CLEC17A: variants seen among roughly 807,000 people sequenced by gnomAD.
CLEC17A encodes the protein C-type lectin domain containing 17A.
In CLEC17A, 37 loss-of-function variants were observed where a neutral mutation model predicts 61.3. That is an observed-to-expected ratio of 0.60 (90% CI 0.46 to 0.79). The LOEUF (loss-of-function observed/expected upper bound fraction) is 0.79, where lower values mean the gene tolerates loss of function less well. CLEC17A is among the 30% of genes least tolerant of loss of function. The probability of loss-of-function intolerance (pLI) is 0.00; values close to 1 mark genes in which losing one functional copy is unlikely to be tolerated. For synonymous variants in CLEC17A, 168 were observed against 164.9 expected (o/e 1.02, Z -0.14); for missense variants, 418 against 464.7 (o/e 0.90, Z 0.92).
Position 14,610,462 on chromosome 19 carries a change from A to T in CLEC17A, c.*266A>T. 1 of 467,422 alleles carries T rather than the reference A, an allele frequency of 2.1e-6. No individual in the cohort carries two copies. The highest frequency in any genetic ancestry group is 3.9e-6 in the Non-Finnish European group (1 of 255,044). 29.0% of individuals were successfully genotyped at this position (467,422 alleles called of 1,614,324 possible). On this transcript the variant is annotated 3_prime_UTR_variant, in exon 14 of 14. Transcript: ENST00000417570. ...GTCTCCCACTTCTGGGGTTGAAAGG[A>T]TCTTCACTAAGTTCCTGATCATGAC...
rs2074897607 is a variant in CLEC17A at position 14,607,055 on chromosome 19, C to T, written c.957C>T (p.Ala319=). The T allele has an allele frequency of 1.5e-6, 2 of 1,355,744 alleles. No homozygotes were observed. Among genetic ancestry groups the T allele is most frequent in the South Asian group, 1.8e-5 (1 of 56,044 alleles). 84.0% of individuals were successfully genotyped at this position (1,355,744 alleles called of 1,614,324 possible). The part of the protein sequence containing the change: ...RVYWLGLNDR[A]QEGDWRWLDG... ...ACTGGCTGGGGCTGAATGACAGGGCCCAGGAAGGGGACTGGAGGTGGCTGG... is the reference window on the plus strand; with the variant it reads ...ACTGGCTGGGGCTGAATGACAGGGCTCAGGAAGGGGACTGGAGGTGGCTGG... The change falls in exon 13 of 14, where the codon GCC becomes GCT. Residue 319 remains alanine (A), a synonymous_variant. Coordinates refer to ENST00000417570, the MANE Select transcript of CLEC17A (RefSeq NM_001204118.2).
intron 7 of CLEC17A, 96 bp from the exon 8 acceptor site, chr19:14,595,178 C>G: frequency 6.9e-7 from 1 of 1,446,462 alleles, no homozygotes; most frequent in Non-Finnish European, 9.7e-7. Context: ...AGCCAGCCCC[C>G]TAAATTCTGA....
intron 3 of CLEC17A, among the ~76,000 whole-genome samples, chr19:14,591,794 G>C (rs536249551): frequency 1.3e-5 from 2 of 151,860 alleles, no homozygotes; most frequent in South Asian, 4.2e-4. Flanking sequence ...CCAAACTCAG[G>C]CAACCTGCCA....
In CLEC17A at chr19:14,610,462, A is replaced by G. The variant is rs1388533557; in HGVS notation, c.*266A>G. The G allele has an allele frequency of 4.9e-5, 23 of 467,422 alleles. 1 individual carries two copies. In the East Asian group the frequency reaches 8.0e-4, roughly 16 times the overall value. 29.0% of individuals were successfully genotyped at this position (467,422 alleles called of 1,614,324 possible). A position where few individuals can be genotyped will look rare whatever the true frequency, so the allele number is the denominator to read the frequency against. On this transcript the variant is annotated 3_prime_UTR_variant, in exon 14 of 14. Coordinates refer to ENST00000417570, the MANE Select transcript of CLEC17A (RefSeq NM_001204118.2). ...GTCTCCCACTTCTGGGGTTGAAAGG[A>G]TCTTCACTAAGTTCCTGATCATGAC... is the stretch of plus-strand genomic sequence containing the variant.
At chr19:14,603,660 A>G (rs2146735719) in intron 12 of CLEC17A, among the ~76,000 whole-genome samples, 1 of 151,848 alleles carries the variant, frequency 6.6e-6, no homozygotes, top group Non-Finnish European at 1.5e-5. Context: ...GAGTTAGGGT[A>G]TCATCATGTT....
chr19:14,610,259 C>G lies in CLEC17A; in HGVS notation c.*63C>G. 6.5e-7 allele frequency: 1 copy of G among 1,535,470 alleles called. No individual in the cohort carries two copies. Among genetic ancestry groups the G allele is most frequent in the Non-Finnish European group, 8.7e-7 (1 of 1,144,286 alleles). On this transcript the variant is annotated 3_prime_UTR_variant, in exon 14 of 14. Transcript: ENST00000417570. Reference sequence around the variant, plus strand: ...CTCTTTGAGATGAGAATCTCCTGCCCTTTCGTGGACGGCCTTGCCTCTTCG... The same window carrying G: ...CTCTTTGAGATGAGAATCTCCTGCCGTTTCGTGGACGGCCTTGCCTCTTCG...
rs754578190 is a variant in CLEC17A at position 14,611,184 on chromosome 19, C to CT, written c.*989dup. On this transcript the variant is annotated 3_prime_UTR_variant, in exon 14 of 14. Coordinates refer to ENST00000417570, the MANE Select transcript of CLEC17A (RefSeq NM_001204118.2). ...ATCAGCGGAGAAGACAGGAGAGCTTCTATATTCACCCCATGTCGTCCTCTC... is the reference window on the plus strand; with the variant it reads ...ATCAGCGGAGAAGACAGGAGAGCTTCTTATATTCACCCCATGTCGTCCTCTC... The CT allele has an allele frequency of 1.3e-5, 2 of 151,934 alleles. No individual in the cohort carries two copies. Among genetic ancestry groups the CT allele is most frequent in the South Asian group, 2.1e-4 (1 of 4,826 alleles). 9.4% of individuals were successfully genotyped at this position (151,934 alleles called of 1,614,324 possible).
Position 14,595,229 on chromosome 19 carries a change from G to A in CLEC17A, c.404-45G>A, listed in dbSNP as rs760472461. 5.0e-6 allele frequency: 8 copies of A among 1,608,556 alleles called. No individual in the cohort carries two copies. In the South Asian group the frequency reaches 8.8e-5, roughly 18 times the overall value. ...GAGGTTGTTGATCTTGGAAGACAGAGTCTTTGGCATCTTCTGAATAAACCT... is the reference window on the plus strand; with the variant it reads ...GAGGTTGTTGATCTTGGAAGACAGAATCTTTGGCATCTTCTGAATAAACCT... On this transcript the variant is annotated intron_variant, in intron 7 of 13. Transcript: ENST00000417570.
upstream of CLEC17A, among the ~76,000 whole-genome samples, chr19:14,581,890 G>A (rs2074186182): frequency 6.6e-6 from 1 of 152,120 alleles, no homozygotes; most frequent in African/African-American, 2.4e-5. Context: ...GACCTCACGT[G>A]ATCCACCCAC....
intron 2 of CLEC17A, among the ~76,000 whole-genome samples, chr19:14,585,803 GCT>G (rs2074267525): frequency 6.8e-6 from 1 of 147,452 alleles, no homozygotes; most frequent in Non-Finnish European, 1.5e-5. Context: ...CAGCTAAGCT[GCT>G]CTCAGATTCC....
At chr19:14,582,248 T>C (rs1271646358), upstream of CLEC17A, among the ~76,000 whole-genome samples, 1 of 150,806 alleles carries the variant, frequency 6.6e-6, no homozygotes, top group African/African-American at 2.5e-5. Context: ...AGTCTCGCTC[T>C]GTCACCCAGG....
intron 2 of CLEC17A, among the ~76,000 whole-genome samples, chr19:14,586,635 C>G (rs2074287620): frequency 1.3e-5 from 2 of 151,994 alleles, no homozygotes; most frequent in Admixed American, 1.3e-4. Flanking sequence ...CTATGTTGCC[C>G]AGGCTGGTCT....
intron 7 of CLEC17A, among the ~76,000 whole-genome samples, 175 bp from the exon 8 acceptor site, chr19:14,595,099 T>C (rs534057799): frequency 5.3e-5 from 8 of 152,338 alleles, no homozygotes; most frequent in African/African-American, 1.9e-4. Flanking sequence ...CTCAAACTCC[T>C]GACCTCAGGT....
chr19:14,609,785 C>A (rs2075001152), intron 13 of CLEC17A, among the ~76,000 whole-genome samples: 1 of 151,856 alleles, frequency 6.6e-6, no homozygotes, highest in Non-Finnish European at 1.5e-5. Context: ...TTGCAGTGAG[C>A]CGAGATCACG....
At chr19:14,587,419 T>C (rs8101554) in intron 2 of CLEC17A, among the ~76,000 whole-genome samples, 195 bp from the exon 3 acceptor site, 18,350 of 152,138 alleles carry the variant, frequency 0.12, 3,737 homozygotes, top group African/African-American at 0.42. Context: ...GCGGTAGCCA[T>C]GCACAACCTG....
chr19:14,599,644 G>A (rs1295335019), intron 10 of CLEC17A, 73 bp from the exon 11 acceptor site: 7 of 1,032,334 alleles, frequency 6.8e-6, no homozygotes, highest in Non-Finnish European at 9.1e-6. Context: ...TCTCTCTGAT[G>A]TGTCTGCAGT....
intron 3 of CLEC17A, among the ~76,000 whole-genome samples, chr19:14,590,989 C>T (rs553881494): frequency 9.2e-5 from 14 of 151,842 alleles, no homozygotes; most frequent in South Asian, 2.1e-4. Flanking sequence ...TGAGCCACTG[C>T]GCCCAGCCTA....
chr19:14,594,444 C>A (rs1470377570), intron 4 of CLEC17A, 73 bp from the exon 5 acceptor site: 1 of 1,534,776 alleles, frequency 6.5e-7, no homozygotes, highest in East Asian at 2.4e-5. Flanking sequence ...CAATCCTAAC[C>A]CTGTTTCCAT....
rs541374809 is a variant in CLEC17A at position 14,587,405 on chromosome 19, G to T, written c.122-209G>T. ...GGCTACCCCTTGTCATGTTCCTGGTGTTAGCGGTAGCCATGCACAACCTGT... is the reference window on the plus strand; with the variant it reads ...GGCTACCCCTTGTCATGTTCCTGGTTTTAGCGGTAGCCATGCACAACCTGT... On this transcript the variant is annotated intron_variant, in intron 2 of 13. Transcript: ENST00000417570. Among the ~76,000 whole-genome samples the T allele has an allele frequency of 1.4e-4, 21 of 152,292 alleles. 1 individual carries two copies. Among genetic ancestry groups the T allele is most frequent in the African/African-American group, 4.3e-4 (18 of 41,540 alleles).
Sources: allele counts gnomAD v4.1 joint callset (sites outside exome capture counted in the v4.1 genomes callset), GRCh38; gene constraint gnomAD v4.1.1; transcripts MANE v1.5; gene names NCBI Gene and HGNC (gene_info 2026-07-23, HGNC 2026-07-21).